MID1: variants seen among roughly 807,000 people sequenced by gnomAD.
MID1 encodes the protein E3 ubiquitin-protein ligase Midline-1.
MID1 carries 7 observed loss-of-function variants against 40.4 expected under a neutral mutation model. The observed-to-expected ratio is 0.17, with a 90% CI of 0.10 to 0.33. The LOEUF is 0.33. Ranked by LOEUF, MID1 falls within the 10% of genes least tolerant of loss-of-function variation. The pLI, the probability that MID1 is intolerant of heterozygous loss-of-function variation, is 1.00. For synonymous variants in MID1, 229 were observed against 221.2 expected, an observed-to-expected ratio of 1.04 and a Z score of -0.31; for missense variants, 367 against 558.5, an observed-to-expected ratio of 0.66 and a Z score of 3.46.
rs771475499 is a variant in MID1 at position 10,543,614 on chromosome X, G to A, written c.661-20427C>T. Among the ~76,000 whole-genome samples the A allele has an allele frequency of 1.3e-4, 14 of 110,752 alleles. No individual in the cohort carries two copies. In the East Asian group the frequency reaches 3.1e-3, roughly 24 times the overall value. On this transcript the variant is annotated intron_variant, in intron 2 of 9. Coordinates refer to ENST00000317552, the MANE Select transcript of MID1 (RefSeq NM_000381.4). ...TCCAAGCACTTTGGGGGGCTGAGGC[G>A]GGTGGATCACCTGAAATCAGGAGTT...
At chrX:10,459,964 G>T (rs1002773215) in intron 7 of MID1, 157 bp from the exon 8 acceptor site, 3 of 562,646 alleles carry the variant, frequency 5.3e-6, no homozygotes, top group Non-Finnish European at 8.8e-6. Flanking sequence ...CACTAACGTA[G>T]ATGTGGCAGA....
intron 1 of MID1, among the ~76,000 whole-genome samples, chrX:10,811,869 A>G (rs1194220797): frequency 8.9e-6 from 1 of 112,191 alleles, no homozygotes; most frequent in Non-Finnish European, 1.9e-5. Flanking sequence ...TTAATTTACT[A>G]TAAAAGGCCG....
chrX:10,742,755 TTG>T (rs1250832532), intron 1 of MID1, among the ~76,000 whole-genome samples: 4 of 112,444 alleles, frequency 3.6e-5, no homozygotes, highest in African/African-American at 1.3e-4. Flanking sequence ...TATCCAGTCA[TTG>T]GAGCAATTGG....
In MID1 at chrX:10,754,309, G is replaced by GTTTTTTTTTTTTTTT. The variant is rs200251008; in HGVS notation, c.-187+79244_-187+79245insAAAAAAAAAAAAAAA. Among the ~76,000 whole-genome samples the GTTTTTTTTTTTTTTT allele has an allele frequency of 1.1e-3, 117 of 104,469 alleles. 3 individuals are homozygous for GTTTTTTTTTTTTTTT. Among genetic ancestry groups the GTTTTTTTTTTTTTTT allele is most frequent in the African/African-American group, 4.4e-3 (111 of 25,000 alleles). 90.7% of individuals were successfully genotyped at this position (104,469 alleles called of 115,157 possible). A position where few individuals can be genotyped will look rare whatever the true frequency, so the allele number is the denominator to read the frequency against. On this transcript the variant is annotated intron_variant, in intron 1 of 10. Transcript: ENST00000380785. ...AGAATAGACAAGAGAGTTTTTTTTT[G>GTTTTTTTTTTTTTTT]TTTTTTGTTTTTTGTTTTTTTTGTC...
chrX:10,562,969 C>G (rs1370651637), intron 2 of MID1, among the ~76,000 whole-genome samples: 1 of 96,682 alleles, frequency 1.0e-5, no homozygotes, highest in Admixed American at 1.0e-4. Flanking sequence ...ACTATGCCTG[C>G]TACTGGTTTT....
At chrX:10,635,461 A>G (rs1384777573) in intron 1 of MID1, among the ~76,000 whole-genome samples, 1 of 112,084 alleles carries the variant, frequency 8.9e-6, no homozygotes, top group African/African-American at 3.2e-5. Context: ...TCCATCTTTT[A>G]CTGCAAATAG....
chrX:10,575,032 T>C lies in MID1; in HGVS notation c.-56-7429A>G, dbSNP rs750339775. Reference sequence around the variant, plus strand: ...TTACAGCAAGCCACACGAAAATGGTTTCAGAACAGGAAGCTCCTATAAGTA... The same window carrying C: ...TTACAGCAAGCCACACGAAAATGGTCTCAGAACAGGAAGCTCCTATAAGTA... On this transcript the variant is annotated intron_variant, in intron 1 of 9. Coordinates refer to ENST00000317552, the MANE Select transcript of MID1 (RefSeq NM_000381.4). Among the ~76,000 whole-genome samples the C allele has an allele frequency of 1.8e-4, 20 of 112,684 alleles. 1 individual carries two copies. Among genetic ancestry groups the C allele is most frequent in the African/African-American group, 6.4e-4 (20 of 31,127 alleles).
intron 5 of MID1, among the ~76,000 whole-genome samples, chrX:10,478,355 T>C (rs1284339653): frequency 8.9e-6 from 1 of 112,339 alleles, no homozygotes; most frequent in Non-Finnish European, 1.9e-5. Flanking sequence ...ATTTGTTGCA[T>C]GTTCATCTTG....
intron 2 of MID1, among the ~76,000 whole-genome samples, chrX:10,537,081 A>T (rs1933285339): frequency 9.0e-6 from 1 of 111,718 alleles, no homozygotes; most frequent in South Asian, 3.8e-4. Context: ...TCTAATAAAA[A>T]TGAAGATAGA....
chrX:10,521,646 C>G (rs1158467370), intron 3 of MID1, among the ~76,000 whole-genome samples: 2 of 111,524 alleles, frequency 1.8e-5, no homozygotes, highest in South Asian at 7.6e-4. Context: ...GAAGTGGCAT[C>G]TATTTTTTCC....
At chrX:10,762,149 C>T (rs1297483703) in intron 1 of MID1, among the ~76,000 whole-genome samples, 1 of 112,023 alleles carries the variant, frequency 8.9e-6, no homozygotes. Flanking sequence ...TAAATGTTAG[C>T]TATTATTTTT....
Position 10,448,997 on chromosome X carries a change from A to G in MID1, c.*371T>C, listed in dbSNP as rs1302443414. The stretch of plus-strand genomic sequence containing the variant: ...GATGAGTAACATACAAAACTACAAA[A>G]GTTTTTGTTTTTTTGTAAGCCCACA... On this transcript the variant is annotated 3_prime_UTR_variant, in exon 10 of 10. Transcript: ENST00000317552. 6.3e-6 allele frequency: 1 copy of G among 159,981 alleles called. No individual in the cohort carries two copies. Among genetic ancestry groups the G allele is most frequent in the African/African-American group, 3.1e-5 (1 of 32,390 alleles). 13.2% of individuals were successfully genotyped at this position (159,981 alleles called of 1,213,427 possible). A position where few individuals can be genotyped will look rare whatever the true frequency, so the allele number is the denominator to read the frequency against.
intron 2 of MID1, among the ~76,000 whole-genome samples, chrX:10,538,064 C>T (rs1317633989): frequency 9.0e-6 from 1 of 111,487 alleles, no homozygotes; most frequent in African/African-American, 3.3e-5. Flanking sequence ...CTTGACCTCC[C>T]AGGTTCAAGA....
rs1934606442 is a variant in MID1, at chrX:10,567,643, G to A, written c.-56-40C>T. On this transcript the variant is annotated intron_variant, in intron 1 of 9. Transcript: ENST00000317552. ...GTAAGATTTGATTAGGCACAGGGAGGTCAACCATAGGGGGGTGTCAGCTTT... is the reference window on the plus strand; with the variant it reads ...GTAAGATTTGATTAGGCACAGGGAGATCAACCATAGGGGGGTGTCAGCTTT... 4 of 978,484 alleles carry A rather than the reference G, an allele frequency of 4.1e-6. No individual in the cohort carries two copies. The Admixed American group carries it at 9.0e-5, about 22-fold the overall frequency. The allele number at this position is 978,484 out of a possible 1,213,427, so 80.6% of individuals were successfully genotyped here.
intron 1 of MID1, among the ~76,000 whole-genome samples, chrX:10,811,240 T>C (rs1313563750): frequency 8.9e-6 from 1 of 112,285 alleles, no homozygotes; most frequent in Non-Finnish European, 1.9e-5. Flanking sequence ...GCCAGTGGCA[T>C]AGTCCATGAA....
intron 1 of MID1, among the ~76,000 whole-genome samples, chrX:10,749,908 T>A (rs1333892979): frequency 2.7e-5 from 3 of 111,400 alleles, no homozygotes; most frequent in African/African-American, 9.8e-5. Context: ...ATACTGGGGA[T>A]TACAATCCAA....
At chrX:10,649,003 G>T (rs891277577) in intron 1 of MID1, among the ~76,000 whole-genome samples, 1 of 111,936 alleles carries the variant, frequency 8.9e-6, no homozygotes, top group African/African-American at 3.2e-5. Flanking sequence ...TCACAACTTT[G>T]TTCATGCTTT....
chrX:10,707,962 G>C (rs1464757709), intron 1 of MID1, among the ~76,000 whole-genome samples: 2 of 113,039 alleles, frequency 1.8e-5, no homozygotes, highest in African/African-American at 6.4e-5. Context: ...ATATGATTTG[G>C]GGGAGATTAT....
intron 1 of MID1, among the ~76,000 whole-genome samples, chrX:10,729,806 C>T (rs181984320): frequency 9.9e-5 from 11 of 111,661 alleles, no homozygotes; most frequent in East Asian, 2.8e-4. Context: ...AATTCTTGGC[C>T]GGGGGCGGTG....
Sources: allele counts gnomAD v4.1 joint callset (sites outside exome capture counted in the v4.1 genomes callset), GRCh38; gene constraint gnomAD v4.1.1; transcripts MANE v1.5; gene names NCBI Gene and HGNC (gene_info 2026-07-23, HGNC 2026-07-21).